The following HCCS variants were observed in gnomAD, a reference collection of about 807,000 sequenced individuals.
The protein encoded by HCCS is holocytochrome c synthase.
A neutral mutation model predicts 24.2 loss-of-function variants in HCCS; 2 were observed. The ratio of observed to expected loss-of-function variants is 0.08; its 90% CI spans 0.03 to 0.26. The LOEUF is 0.26. Among genes scored for constraint, HCCS ranks in the 10% least tolerant of loss-of-function variants. HCCS has a pLI of 1.00. For synonymous variants in HCCS, 73 were observed against 76.2 expected (o/e 0.96, Z 0.22); for missense variants, 150 against 213.3 (o/e 0.70, Z 1.85).
At chrX:11,112,961 C>G (rs2045422448) in intron 2 of HCCS, among the ~76,000 whole-genome samples, 1 of 112,912 alleles carries the variant, frequency 8.9e-6, no homozygotes, top group South Asian at 3.6e-4. Context: ...GTTGAGAAAC[C>G]TTAGTCTAGA....
chrX:11,117,632 G>C (rs1425903938), intron 4 of HCCS, among the ~76,000 whole-genome samples: 1 of 111,483 alleles, frequency 9.0e-6, no homozygotes, highest in Admixed American at 9.5e-5. Context: ...ATATGTGTAG[G>C]GGGGCAGGAG....
At chrX:11,117,027 G>C (rs1346021777) in intron 3 of HCCS, among the ~76,000 whole-genome samples, 1 of 112,185 alleles carries the variant, frequency 8.9e-6, no homozygotes, top group Non-Finnish European at 1.9e-5. Context: ...AAAGGAGAAA[G>C]AGGCCAAAAA....
chrX:11,118,707 T>G, intron 5 of HCCS, 87 bp downstream of exon 5: 1 of 998,752 alleles, frequency 1.0e-6, no homozygotes, highest in South Asian at 1.9e-5. Flanking sequence ...AATCATTTGT[T>G]CTAATAAAAC....
At chrX:11,115,327 A>G (rs965881563) in intron 3 of HCCS, among the ~76,000 whole-genome samples, 1 of 111,908 alleles carries the variant, frequency 8.9e-6, no homozygotes, top group Non-Finnish European at 1.9e-5. Context: ...GTCTGGGGAA[A>G]CTTTGTAGAC....
rs886255010 is a variant in HCCS, at chrX:11,112,215, C to T, written c.100+55C>T. On this transcript the variant is annotated intron_variant, in intron 2 of 6. Coordinates refer to ENST00000380762, the MANE Select transcript of HCCS (RefSeq NM_005333.5). Reference sequence around the variant, plus strand: ...ACAAAAGATAATTCACGGCTGGGTGCGGTGGTTCACGCCTGTGACAGCACT... The same window carrying T: ...ACAAAAGATAATTCACGGCTGGGTGTGGTGGTTCACGCCTGTGACAGCACT... The T allele has an allele frequency of 8.6e-6, 8 of 929,988 alleles. No homozygotes were observed. The African/African-American group carries it at 1.4e-4, about 16-fold the overall frequency. 76.6% of individuals were successfully genotyped at this position (929,988 alleles called of 1,213,427 possible).
intron 5 of HCCS, among the ~76,000 whole-genome samples, chrX:11,119,113 G>A (rs762036725): frequency 1.8e-5 from 2 of 112,005 alleles, no homozygotes; most frequent in South Asian, 7.5e-4. Context: ...CCAGATTCAA[G>A]GGGAGGGGAC....
At chrX:11,117,146 A>T (rs1476625888) in intron 3 of HCCS, 121 bp from the exon 4 acceptor site, 1 of 607,485 alleles carries the variant, frequency 1.6e-6, no homozygotes, top group Non-Finnish European at 2.8e-6. Context: ...TGAAATTTTG[A>T]TGTCACTGAT....
intron 3 of HCCS, among the ~76,000 whole-genome samples, chrX:11,115,667 C>T (rs781162728): frequency 2.7e-5 from 3 of 112,137 alleles, no homozygotes; most frequent in Non-Finnish European, 5.6e-5. Context: ...ACAATAGCAG[C>T]GTCCACCTCA....
chrX:11,111,943 A>G, intron 1 of HCCS, 76 bp from the exon 2 acceptor site: 4 of 576,442 alleles, frequency 6.9e-6, no homozygotes, highest in Non-Finnish European at 1.2e-5. Flanking sequence ...GAGGAGGAAC[A>G]AGGGTTGACC....
At position 11,122,067 on chromosome X, in the gene HCCS, CA is replaced by C; in HGVS notation, c.*258del. On this transcript the variant is annotated 3_prime_UTR_variant, in exon 7 of 7. Coordinates refer to ENST00000380762, the MANE Select transcript of HCCS (RefSeq NM_005333.5). ...AGTCTCTCAGTTTTTCCTTTACCTG[CA>C]GTATTGTCTGTATATTTCATCTCGA... The C allele has an allele frequency of 2.8e-6, 1 of 358,733 alleles. No homozygotes were observed. The highest frequency in any genetic ancestry group is 4.8e-5 in the East Asian group (1 of 20,955). The allele number at this position is 358,733 out of a possible 1,213,427, so 29.6% of individuals were successfully genotyped here.
At chrX:11,115,029 G>C in intron 3 of HCCS, 43 bp downstream of exon 3, 1 of 1,125,852 alleles carries the variant, frequency 8.9e-7, no homozygotes, top group African/African-American at 1.8e-5. Flanking sequence ...TTTTATGCAG[G>C]GTTGCTTATA....
chrX:11,120,233 G>C (rs2045481362), intron 5 of HCCS, among the ~76,000 whole-genome samples: 1 of 111,460 alleles, frequency 9.0e-6, no homozygotes, highest in Non-Finnish European at 1.9e-5. Context: ...CTAGCCTGTA[G>C]GTGGGCTGTG....
intron 2 of HCCS, among the ~76,000 whole-genome samples, chrX:11,113,613 AC>A (rs2045428163): frequency 1.8e-5 from 2 of 111,698 alleles, no homozygotes; most frequent in Admixed American, 9.4e-5. Context: ...AGATTCTAGA[AC>A]CCTTACTTTG....
chrX:11,113,345 G>C (rs1433259145), intron 2 of HCCS, among the ~76,000 whole-genome samples: 2 of 112,404 alleles, frequency 1.8e-5, no homozygotes, highest in Non-Finnish European at 3.8e-5. Flanking sequence ...AGCTTTGCCT[G>C]ATAGAGCTTA....
At chrX:11,119,205 C>A (rs1425844848) in intron 5 of HCCS, among the ~76,000 whole-genome samples, 1 of 111,919 alleles carries the variant, frequency 8.9e-6, no homozygotes, top group Non-Finnish European at 1.9e-5. Context: ...AAAATGCCAT[C>A]TGCCCCAAGG....
In HCCS at chrX:11,122,799, A is replaced by G. The variant is rs2045502564; in HGVS notation, c.*989A>G. On this transcript the variant is annotated 3_prime_UTR_variant, in exon 7 of 7. Coordinates refer to ENST00000380762, the MANE Select transcript of HCCS (RefSeq NM_005333.5). ...GTTTTAAGGAAGCTCTAAGTTTGCC[A>G]TTGAAACTTTTTGTACCAGTAATCC... is the stretch of plus-strand genomic sequence containing the variant. 8.9e-6 allele frequency: 1 copy of G among 112,214 alleles called. No individual in the cohort carries two copies. The highest frequency in any genetic ancestry group is 1.9e-5 in the Non-Finnish European group (1 of 53,221). 9.2% of individuals were successfully genotyped at this position (112,214 alleles called of 1,213,427 possible). A position where few individuals can be genotyped will look rare whatever the true frequency, so the allele number is the denominator to read the frequency against.
chrX:11,117,996 TCA>T (rs1481955134), intron 4 of HCCS, among the ~76,000 whole-genome samples: 1 of 111,861 alleles, frequency 8.9e-6, no homozygotes, highest in East Asian at 2.8e-4. Context: ...AGAATGTTAC[TCA>T]CATTCAAAAA....
intron 3 of HCCS, among the ~76,000 whole-genome samples, chrX:11,117,055 C>G (rs1602703742): frequency 8.9e-6 from 1 of 112,230 alleles, no homozygotes; most frequent in East Asian, 2.8e-4. Context: ...ACAGTGTTTA[C>G]CATATTTGAG....
chrX:11,121,124 T>C, intron 6 of HCCS, 131 bp downstream of exon 6: 1 of 568,059 alleles, frequency 1.8e-6, no homozygotes, highest in Non-Finnish European at 3.1e-6. Flanking sequence ...GTAGATGTCT[T>C]TCTCTCCCTG....
Sources: gnomAD v4.1 joint callset for allele counts (sites outside exome capture counted in the v4.1 genomes callset) on GRCh38, gnomAD v4.1.1 for gene constraint, MANE v1.5 for transcripts, NCBI Gene and HGNC (gene_info 2026-07-23, HGNC 2026-07-21) for gene names.